Variants in CRYZ observed in about 807,000 individuals in gnomAD.
The protein encoded by CRYZ is zeta-crystallin.
Under a neutral mutation model 34.1 loss-of-function variants are expected in CRYZ, and 35 were observed. The observed-to-expected ratio is 1.03, with a 90% CI of 0.78 to 1.36. The LOEUF is 1.36. Ranked by LOEUF, CRYZ falls within the 40% of genes most tolerant of loss-of-function variation. The pLI, the probability that CRYZ is intolerant of heterozygous loss-of-function variation, is 0.00. For synonymous variants in CRYZ, 137 were observed against 136.5 expected, an observed-to-expected ratio of 1.00 and a Z score of -0.03; for missense variants, 403 against 391.8, an observed-to-expected ratio of 1.03 and a Z score of -0.24.
intron 6 of CRYZ, among the ~76,000 whole-genome samples, chr1:74,709,297 AT>A (rs1244504338): frequency 6.6e-6 from 1 of 152,044 alleles, no homozygotes; most frequent in Non-Finnish European, 1.5e-5. Context: ...ATAACGGGCC[AT>A]TTTTCATCTT....
Position 74,710,228 on chromosome 1 carries a change from TG to T in CRYZ, c.499del (p.Gln167LysfsTer8). 6.2e-7 allele frequency: 1 copy of T among 1,613,800 alleles called. No homozygotes were observed. Among genetic ancestry groups the T allele is most frequent in the East Asian group, 2.2e-5 (1 of 44,848 alleles). The stretch of plus-strand genomic sequence containing the variant: ...CTTTAAGCCATAAGCTCTAGCAATT[TG>T]GCATGCTGCTAATCCAACCTGAAAA... ...ASGGVGLAAC[Q>X]IARAYGLKIL... On this transcript the variant is annotated frameshift_variant, in exon 6 of 9. Coordinates refer to ENST00000340866, the MANE Select transcript of CRYZ (RefSeq NM_001889.4). LOFTEE classifies it high-confidence loss of function.
intron 3 of CRYZ, among the ~76,000 whole-genome samples, chr1:74,722,261 A>C (rs984341015): frequency 3.9e-5 from 6 of 152,122 alleles, no homozygotes; most frequent in Non-Finnish European, 8.8e-5. Context: ...CTGCAGAAAA[A>C]GTTTAAAGAA....
intron 1 of CRYZ, among the ~76,000 whole-genome samples, chr1:74,726,137 C>G (rs982135582): frequency 6.6e-6 from 1 of 152,184 alleles, no homozygotes; most frequent in African/African-American, 2.4e-5. Context: ...AGGACAGTGG[C>G]CTTCTTCTCA....
chr1:74,718,312 T>G (rs554824783), intron 4 of CRYZ, among the ~76,000 whole-genome samples: 24 of 152,202 alleles, frequency 1.6e-4, no homozygotes, highest in Admixed American at 1.5e-3. Context: ...CTCTTATCTC[T>G]TCATTCCTAT....
At chr1:74,727,614 C>T (rs1647433986) in intron 1 of CRYZ, among the ~76,000 whole-genome samples, 2 of 129,532 alleles carry the variant, frequency 1.5e-5, no homozygotes, top group South Asian at 2.4e-4. Context: ...CACTGCACTG[C>T]AGCCTGGGCA....
chr1:74,706,737 A>G (rs1317772790), intron 8 of CRYZ, among the ~76,000 whole-genome samples, 162 bp downstream of exon 8: 1 of 152,128 alleles, frequency 6.6e-6, no homozygotes, highest in Non-Finnish European at 1.5e-5. Context: ...ACCTGGATAT[A>G]AATTATACTG....
chr1:74,710,818 T>C (rs1646992065), intron 5 of CRYZ, among the ~76,000 whole-genome samples: 1 of 152,198 alleles, frequency 6.6e-6, no homozygotes, highest in Non-Finnish European at 1.5e-5. Context: ...GTACTTAATG[T>C]AAGAAATAAA....
At chr1:74,722,470 C>T (rs1052851291) in intron 3 of CRYZ, among the ~76,000 whole-genome samples, 1 of 152,104 alleles carries the variant, frequency 6.6e-6, no homozygotes, top group Non-Finnish European at 1.5e-5. Flanking sequence ...TCTTCCTGTA[C>T]AGGGGCACAG....
rs1481598063 is a variant in CRYZ, at chr1:74,709,960, AAC to A, written c.630+136_630+137del. On this transcript the variant is annotated intron_variant, in intron 6 of 8. Coordinates refer to ENST00000340866, the MANE Select transcript of CRYZ (RefSeq NM_001889.4). ...ATCTGTTTTTTAAATAAAGTTTTAAAACACGCATAAAAATTCATCGCACTGAA... is the reference window on the plus strand; with the variant it reads ...ATCTGTTTTTTAAATAAAGTTTTAAAACGCATAAAAATTCATCGCACTGAA... 3 of 649,650 alleles carry A rather than the reference AAC, an allele frequency of 4.6e-6. No individual in the cohort carries two copies. The Admixed American group carries it at 9.0e-5, about 20-fold the overall frequency. The allele number at this position is 649,650 out of a possible 1,614,324, so 40.2% of individuals were successfully genotyped here. A position where few individuals can be genotyped will look rare whatever the true frequency, so the allele number is the denominator to read the frequency against.
rs769338292 is a variant in CRYZ at position 74,719,368 on chromosome 1, C to T, written c.269G>A (p.Gly90Asp). 1.2e-6 allele frequency: 2 copies of T among 1,608,196 alleles called. No individual in the cohort carries two copies. The highest frequency in any genetic ancestry group is 1.1e-5 in the South Asian group (1 of 90,876). ...VGDNASAFKKGDRVFTSSTIS... is the reference protein window; with the variant it reads ...VGDNASAFKKDDRVFTSSTIS... The stretch of plus-strand genomic sequence containing the variant: ...CGTGCTGCTAGTGAAAACTCTGTCA[C>T]CTTTCTAGGGGAAGAGATAAATGAA... Residue 90 changes from glycine to aspartate, a missense_variant, in exon 4 of 9, where the codon GGT (glycine) becomes GAT (aspartate). Gly to Asp is a moderately conservative substitution (Grantham distance 94). Transcript: ENST00000340866.
intron 3 of CRYZ, among the ~76,000 whole-genome samples, chr1:74,722,864 TCA>T (rs1396395216): frequency 6.6e-6 from 1 of 152,068 alleles, no homozygotes; most frequent in Non-Finnish European, 1.5e-5. Flanking sequence ...ATAAAAAAAA[TCA>T]CAGTTCATTC....
chr1:74,723,060 T>C (rs1029542924), intron 3 of CRYZ, 58 bp downstream of exon 3: 17 of 1,553,418 alleles, frequency 1.1e-5, no homozygotes, highest in Non-Finnish European at 1.5e-5. Flanking sequence ...GAAAGCTATG[T>C]TCAAATATTT....
chr1:74,714,600 C>T lies in CRYZ; in HGVS notation c.459G>A (p.Leu153=), dbSNP rs1418431418. Reference sequence around the variant, plus strand: ...TTACTCCTCCACTTGCCCCATGAACCAGAACACTCTCTCCAGCTTTCACAC... The same window carrying T: ...TTACTCCTCCACTTGCCCCATGAACTAGAACACTCTCTCCAGCTTTCACAC... ...SACVKAGESV[L]VHGASGGVGL... is the part of the protein sequence containing the mutation. Residue 153 remains leucine, a synonymous_variant, in exon 5 of 9, where the codon CTG becomes CTA. Transcript: ENST00000340866. 1.2e-6 allele frequency: 2 copies of T among 1,613,676 alleles called. No homozygotes were observed. Among genetic ancestry groups the T allele is most frequent in the African/African-American group, 2.7e-5 (2 of 74,992 alleles).
At chr1:74,727,022 G>T (rs184490104) in intron 1 of CRYZ, among the ~76,000 whole-genome samples, 1 of 151,916 alleles carries the variant, frequency 6.6e-6, no homozygotes, top group African/African-American at 2.4e-5. Context: ...GGACTTTATT[G>T]TCCATATCAC....
At chr1:74,723,375 G>C in intron 2 of CRYZ, 105 bp from the exon 3 acceptor site, 1 of 1,053,124 alleles carries the variant, frequency 9.5e-7, no homozygotes, top group Non-Finnish European at 1.4e-6. Flanking sequence ...GGAGACAAAA[G>C]CAAAACAAAT....
intron 1 of CRYZ, among the ~76,000 whole-genome samples, chr1:74,731,553 T>C (rs1452494078): frequency 6.6e-6 from 1 of 152,216 alleles, no homozygotes; most frequent in Non-Finnish European, 1.5e-5. Context: ...TGTGATCTTA[T>C]CAGGTCACTT....
At chr1:74,711,864 G>T (rs1647008720) in intron 5 of CRYZ, among the ~76,000 whole-genome samples, 1 of 152,090 alleles carries the variant, frequency 6.6e-6, no homozygotes, top group Admixed American at 6.5e-5. Context: ...GACTCAAAAG[G>T]GTTCAACTGG....
intron 5 of CRYZ, among the ~76,000 whole-genome samples, chr1:74,711,076 T>C (rs1290572807): frequency 6.6e-6 from 1 of 151,966 alleles, no homozygotes; most frequent in Non-Finnish European, 1.5e-5. Context: ...ATGGCTAACC[T>C]GGCGAGGTGG....
chr1:74,711,806 A>G (rs1030037684), intron 5 of CRYZ, among the ~76,000 whole-genome samples: 1 of 152,220 alleles, frequency 6.6e-6, no homozygotes, highest in Non-Finnish European at 1.5e-5. Flanking sequence ...CACAGTGCTC[A>G]TCTACTTACG....
Sources: allele counts gnomAD v4.1 joint callset (sites outside exome capture counted in the v4.1 genomes callset), GRCh38; gene constraint gnomAD v4.1.1; transcripts MANE v1.5; gene names NCBI Gene and HGNC (gene_info 2026-07-23, HGNC 2026-07-21).